Variants in METTL25 observed in about 807,000 individuals in gnomAD.
METTL25 encodes methyltransferase like 25.
A neutral mutation model predicts 71.6 loss-of-function variants in METTL25; 64 were observed. The ratio of observed to expected loss-of-function variants is 0.89; its 90% CI spans 0.73 to 1.10. METTL25 has a LOEUF of 1.10. METTL25 is among the 50% of genes least tolerant of loss of function. The probability of loss-of-function intolerance (pLI) is 0.00; values close to 1 mark genes in which losing one functional copy is unlikely to be tolerated. For synonymous variants in METTL25, 287 were observed against 250.3 expected (o/e 1.15, Z -1.38); for missense variants, 807 against 707.0 (o/e 1.14, Z -1.60).
In METTL25 at chr12:82,398,858, A is replaced by T; in HGVS notation, c.595A>T (p.Lys199Ter). 1 of 1,598,812 alleles carries T rather than the reference A, an allele frequency of 6.3e-7. No homozygotes were observed. The highest frequency in any genetic ancestry group is 8.5e-7 in the Non-Finnish European group (1 of 1,175,896). ...TTTTTTGTCCTTGAAGTATGGCTTA[A>T]AAGTTTATGGAATTGATTCTTCAAA... ...SSFLSLKYGL[K>*]VYGIDSSNTN... is the part of the protein sequence containing the mutation. The change falls in exon 4 of 12, where the codon AAA becomes TAA. Residue 199 changes from lysine to a stop codon, truncating the protein, a stop_gained. Coordinates refer to ENST00000248306, the MANE Select transcript of METTL25 (RefSeq NM_032230.3). LOFTEE classifies it high-confidence loss of function.
intron 1 of METTL25, among the ~76,000 whole-genome samples, chr12:82,375,266 A>C (rs2895911): frequency 0.92 from 140,427 of 151,924 alleles, 65,218 homozygotes; most frequent in East Asian, 1. Context: ...AGGGTGGAGC[A>C]CTCATGAATG....
chr12:82,434,156 A>G lies in METTL25; in HGVS notation c.1375-539A>G, dbSNP rs138813660. 9.8e-3 allele frequency among the ~76,000 whole-genome samples: 1,491 copies of G among 151,470 alleles called. 23 individuals are homozygous for G. Among genetic ancestry groups the G allele is most frequent in the African/African-American group, 0.034 (1,410 of 41,468 alleles). On this transcript the variant is annotated intron_variant, in intron 6 of 11. Transcript: ENST00000248306. ...CTACCTGGTACTTGATCATATGTGA[A>G]CTTGATTTGAATTTGTAGATCACAC... is the stretch of plus-strand genomic sequence containing the variant.
intron 8 of METTL25, among the ~76,000 whole-genome samples, chr12:82,440,122 T>C (rs151000793): frequency 1.3e-4 from 20 of 152,118 alleles, no homozygotes; most frequent in African/African-American, 4.8e-4. Context: ...CTGAGTTTCA[T>C]TTTTCTACTC....
chr12:82,360,488 A>G (rs1038753880), intron 1 of METTL25, among the ~76,000 whole-genome samples: 1 of 151,538 alleles, frequency 6.6e-6, no homozygotes, highest in Non-Finnish European at 1.5e-5. Flanking sequence ...AGTATACTAG[A>G]TAAGGGAGGA....
At chr12:82,417,851 C>T (rs575783524) in intron 5 of METTL25, among the ~76,000 whole-genome samples, 2 of 151,456 alleles carry the variant, frequency 1.3e-5, no homozygotes, top group South Asian at 2.2e-4. Context: ...GTTAAGATGA[C>T]GTTGAGCAGA....
chr12:82,372,376 G>A (rs1249914055), intron 1 of METTL25, among the ~76,000 whole-genome samples: 1 of 152,164 alleles, frequency 6.6e-6, no homozygotes, highest in Non-Finnish European at 1.5e-5. Context: ...GGAGATTAGA[G>A]GAGGCTTATC....
chr12:82,412,170 T>G (rs1887603716), intron 5 of METTL25, among the ~76,000 whole-genome samples: 1 of 152,076 alleles, frequency 6.6e-6, no homozygotes, highest in Non-Finnish European at 1.5e-5. Context: ...AGTACTTACA[T>G]TTTACAAAAA....
chr12:82,478,909 C>A (rs761877675), intron 11 of METTL25, 23 bp from the exon 12 acceptor site: 3 of 1,588,026 alleles, frequency 1.9e-6, no homozygotes, highest in Admixed American at 3.3e-5. Flanking sequence ...GGTTGTATAT[C>A]TAAATCACTT....
intron 8 of METTL25, among the ~76,000 whole-genome samples, chr12:82,452,709 A>C (rs1044591149): frequency 2.6e-5 from 4 of 152,196 alleles, no homozygotes; most frequent in African/African-American, 4.8e-5. Flanking sequence ...CATATCATGC[A>C]AAAGTAACCT....
chr12:82,382,569 G>A (rs751902947), intron 1 of METTL25, among the ~76,000 whole-genome samples: 10 of 152,092 alleles, frequency 6.6e-5, no homozygotes, highest in Non-Finnish European at 8.8e-5. Flanking sequence ...ATTCATTCAT[G>A]CCTTGTGCAA....
intron 5 of METTL25, among the ~76,000 whole-genome samples, chr12:82,412,335 G>A (rs1887615248): frequency 1.3e-5 from 2 of 151,870 alleles, no homozygotes; most frequent in South Asian, 4.2e-4. Context: ...ATTTCATAAG[G>A]CTTTAATGGG....
intron 4 of METTL25, 110 bp downstream of exon 4, chr12:82,399,504 C>T: frequency 1.1e-6 from 1 of 871,752 alleles, no homozygotes; most frequent in Non-Finnish European, 1.7e-6. Flanking sequence ...ATCTAACAGA[C>T]CAAGAAAATG....
In METTL25 at chr12:82,477,177, A is replaced by G. The variant is rs1039888373; in HGVS notation, c.1648-104A>G. 19 of 548,004 alleles carry G rather than the reference A, an allele frequency of 3.5e-5. No homozygotes were observed. The Admixed American group carries it at 3.5e-4, about 10-fold the overall frequency. The allele number at this position is 548,004 out of a possible 1,614,324, so 33.9% of individuals were successfully genotyped here. On this transcript the variant is annotated intron_variant, in intron 10 of 11. Transcript: ENST00000248306. ...CCTGGATTTTGGAGATTCAGCCTAT[A>G]TAAACTTCTGTAGATACATTTATTT...
At chr12:82,395,971 A>T (rs946711303) in intron 3 of METTL25, among the ~76,000 whole-genome samples, 1 of 152,114 alleles carries the variant, frequency 6.6e-6, no homozygotes, top group East Asian at 1.9e-4. Context: ...TTACAGTTGT[A>T]TGCTGCATAA....
chr12:82,383,624 T>C (rs1307470597), intron 1 of METTL25, among the ~76,000 whole-genome samples: 1 of 152,224 alleles, frequency 6.6e-6, no homozygotes, highest in African/African-American at 2.4e-5. Flanking sequence ...GGATGAATTA[T>C]TGTAAGACCT....
chr12:82,478,688 T>C (rs957811788), intron 11 of METTL25, among the ~76,000 whole-genome samples: 2 of 151,890 alleles, frequency 1.3e-5, no homozygotes, highest in African/African-American at 4.8e-5. Context: ...CCACTTCCAG[T>C]TTTTCACAAC....
intron 2 of METTL25, chr12:82,388,671 T>C (rs186992011): frequency 6.6e-6 from 1 of 152,342 alleles, no homozygotes; most frequent in Admixed American, 6.6e-5. Context: ...ATTCAAGGTC[T>C]GGATGGACTC....
At chr12:82,359,386 G>A (rs1208969751) in intron 1 of METTL25, among the ~76,000 whole-genome samples, 2 of 152,182 alleles carry the variant, frequency 1.3e-5, no homozygotes, top group Admixed American at 1.3e-4. Context: ...TGCAGGTGCA[G>A]GACGGGAGGC....
At chr12:82,410,364 G>C (rs980436617) in intron 5 of METTL25, among the ~76,000 whole-genome samples, 6 of 152,100 alleles carry the variant, frequency 3.9e-5, no homozygotes, top group African/African-American at 1.4e-4. Context: ...TTTCAGTAAA[G>C]ATCTGACAAT....
Sources: gnomAD v4.1 joint callset for allele counts (sites outside exome capture counted in the v4.1 genomes callset) on GRCh38, gnomAD v4.1.1 for gene constraint, MANE v1.5 for transcripts, NCBI Gene and HGNC (gene_info 2026-07-23, HGNC 2026-07-21) for gene names.